AGBL1: variants seen among roughly 807,000 people sequenced by gnomAD.
AGBL1 encodes AGBL carboxypeptidase 1, also known as cytosolic carboxypeptidase 4.
Under a neutral mutation model 118.9 loss-of-function variants are expected in AGBL1, and 130 were observed. The observed-to-expected ratio is 1.09, with a 90% CI of 0.95 to 1.26. The LOEUF is 1.26. AGBL1 is among the 50% of genes most tolerant of loss of function. AGBL1 has a pLI of 0.00. For synonymous variants in AGBL1, 555 were observed against 478.9 expected (o/e 1.16, Z -2.08); for missense variants, 1,584 against 1,298.1 (o/e 1.22, Z -3.38).
intron 5 of AGBL1, among the ~76,000 whole-genome samples, chr15:86,220,266 C>T (rs893219456): frequency 6.6e-6 from 1 of 152,008 alleles, no homozygotes; most frequent in East Asian, 1.9e-4. Flanking sequence ...CTGCCTCTTG[C>T]TAGCTGCTGA....
At position 86,562,197 on chromosome 15, in the gene AGBL1, T is replaced by A. The variant is rs1310626113; in HGVS notation, c.2994+7660T>A. ...TCAGAACTTCCAACACTATGTTGAATAGGAGGCATCCCTGTCTTGTGCCAG... is the reference window on the plus strand; with the variant it reads ...TCAGAACTTCCAACACTATGTTGAAAAGGAGGCATCCCTGTCTTGTGCCAG... On this transcript the variant is annotated intron_variant, in intron 21 of 22. Transcript: ENST00000614907. Among the ~76,000 whole-genome samples the A allele has an allele frequency of 3.3e-5, 5 of 150,812 alleles. No homozygotes were observed. In the East Asian group the frequency reaches 9.8e-4, roughly 29 times the overall value.
At chr15:86,463,943 G>T (rs2082364682) in intron 18 of AGBL1, among the ~76,000 whole-genome samples, 1 of 152,094 alleles carries the variant, frequency 6.6e-6, no homozygotes, top group African/African-American at 2.4e-5. Context: ...GGTTCCATAT[G>T]AAATTTAAAG....
At chr15:87,012,767 T>C (rs1596739970) in intron 24 of AGBL1, among the ~76,000 whole-genome samples, 1 of 152,052 alleles carries the variant, frequency 6.6e-6, no homozygotes, top group East Asian at 1.9e-4. Flanking sequence ...AGAAGCTAAA[T>C]AAAAAGTGAA....
rs1191317702 is a variant in AGBL1 at position 86,433,263 on chromosome 15, CTTCT to C, written c.2555+35720_2555+35723del. ...CCTTCTCCTCCTCCTCCTCCTCCTT[CTTCT>C]TTTTTTTTTTTTTTTTTTTTTTTTT... On this transcript the variant is annotated intron_variant, in intron 18 of 22. Coordinates refer to ENST00000614907, the MANE Select transcript of AGBL1 (RefSeq NM_001386094.1). Among the ~76,000 whole-genome samples, 8 of 54,948 alleles carry C rather than the reference CTTCT, an allele frequency of 1.5e-4. 1 individual carries two copies. Among genetic ancestry groups the C allele is most frequent in the African/African-American group, 6.5e-4 (8 of 12,332 alleles). The allele number at this position is 54,948 out of a possible 152,430, so 36.0% of individuals were successfully genotyped here.
Position 86,775,000 on chromosome 15 carries a change from T to A in AGBL1, c.3158+100564T>A, listed in dbSNP as rs187019058. Among the ~76,000 whole-genome samples, 3 of 152,316 alleles carry A rather than the reference T, an allele frequency of 2.0e-5. No individual in the cohort carries two copies. In the East Asian group the frequency reaches 5.8e-4, roughly 29 times the overall value. On this transcript the variant is annotated intron_variant, in intron 22 of 22. Transcript: ENST00000614907. ...TTGTACTTTGGGAAATGTTCATTTGTTTATTCATATCCCAAAAAATACACA... is the reference window on the plus strand; with the variant it reads ...TTGTACTTTGGGAAATGTTCATTTGATTATTCATATCCCAAAAAATACACA...
chr15:86,803,074 G>A (rs2078671831), intron 22 of AGBL1, among the ~76,000 whole-genome samples: 1 of 152,060 alleles, frequency 6.6e-6, no homozygotes, highest in Admixed American at 6.6e-5. Context: ...CCAAATGAGG[G>A]GCCATAGTAT....
intron 23 of AGBL1, among the ~76,000 whole-genome samples, chr15:86,946,945 G>A (rs1174619459): frequency 6.6e-6 from 1 of 151,778 alleles, no homozygotes; most frequent in East Asian, 1.9e-4. Flanking sequence ...CATGTCCCCT[G>A]CCCATTACTC....
chr15:86,500,489 G>T (rs914347277), intron 18 of AGBL1, among the ~76,000 whole-genome samples: 5 of 149,864 alleles, frequency 3.3e-5, no homozygotes, highest in Middle Eastern at 3.4e-3. Context: ...CATAATGTTT[G>T]CAATTACATT....
chr15:86,999,011 C>G (rs1047239608), intron 24 of AGBL1, among the ~76,000 whole-genome samples: 5 of 150,942 alleles, frequency 3.3e-5, no homozygotes, highest in African/African-American at 1.2e-4. Flanking sequence ...ATCCCTTCCC[C>G]CACCCCATAG....
intron 23 of AGBL1, among the ~76,000 whole-genome samples, chr15:86,925,143 A>AGAGGAAGAGGAGGAGGAG (rs1555463567): frequency 1.2e-5 from 1 of 80,528 alleles, no homozygotes; most frequent in African/African-American, 3.5e-5. Flanking sequence ...AGGAAGAGGA[A>AGAGGAAGAGGAGGAGGAG]GAGGAGGAGG....
intron 17 of AGBL1, among the ~76,000 whole-genome samples, chr15:86,388,193 T>A (rs927541785): frequency 2.0e-5 from 3 of 152,170 alleles, no homozygotes; most frequent in Non-Finnish European, 2.9e-5. Context: ...AGCTCACACT[T>A]CGTTGTTCTG....
chr15:86,943,655 TGTG>T (rs1358861613), intron 23 of AGBL1, among the ~76,000 whole-genome samples: 1 of 152,180 alleles, frequency 6.6e-6, no homozygotes, highest in African/African-American at 2.4e-5. Context: ...TTACTGCACA[TGTG>T]GTGATGAAGA....
At chr15:86,550,687 C>T (rs943289566) in intron 20 of AGBL1, among the ~76,000 whole-genome samples, 2 of 152,000 alleles carry the variant, frequency 1.3e-5, no homozygotes, top group African/African-American at 2.4e-5. Flanking sequence ...AGTCTTCTCT[C>T]AGTATGTGAT....
At chr15:86,442,678 C>T (rs1279042360) in intron 18 of AGBL1, among the ~76,000 whole-genome samples, 1 of 152,088 alleles carries the variant, frequency 6.6e-6, no homozygotes, top group Non-Finnish European at 1.5e-5. Flanking sequence ...AGAATCAGTG[C>T]TGGAGAGAGA....
chr15:86,176,140 G>A (rs912755660), intron 5 of AGBL1, among the ~76,000 whole-genome samples: 2 of 152,194 alleles, frequency 1.3e-5, no homozygotes, highest in Non-Finnish European at 1.5e-5. Flanking sequence ...TCATTGGTGG[G>A]TAGAGCAGGT....
chr15:86,394,634 GCCAAGAACCCTGGCT>G (rs992555560), intron 17 of AGBL1, among the ~76,000 whole-genome samples: 2 of 152,114 alleles, frequency 1.3e-5, no homozygotes, highest in Non-Finnish European at 2.9e-5. Flanking sequence ...TAAGGAATTT[GCCAAGAACCCTGGCT>G]CCCTCTACTT....
At chr15:86,681,582 T>C (rs1279920823) in intron 22 of AGBL1, among the ~76,000 whole-genome samples, 2 of 152,224 alleles carry the variant, frequency 1.3e-5, no homozygotes, top group Admixed American at 1.3e-4. Context: ...GTTTCTGCTC[T>C]TCCAACTTCT....
At chr15:86,313,727 CTT>C (rs1330304195) in intron 17 of AGBL1, among the ~76,000 whole-genome samples, 1 of 152,294 alleles carries the variant, frequency 6.6e-6, no homozygotes, top group East Asian at 1.9e-4. Flanking sequence ...AATTGTCCTG[CTT>C]TGTTCATAGC....
chr15:86,750,436 C>A (rs1160917520), intron 22 of AGBL1, among the ~76,000 whole-genome samples: 2 of 151,942 alleles, frequency 1.3e-5, no homozygotes, highest in South Asian at 2.1e-4. Flanking sequence ...ACCGAACTCC[C>A]TTTTTCTTTT....
Sources: gnomAD v4.1 joint callset for allele counts (sites outside exome capture counted in the v4.1 genomes callset) on GRCh38, gnomAD v4.1.1 for gene constraint, MANE v1.5 for transcripts, NCBI Gene and HGNC (gene_info 2026-07-23, HGNC 2026-07-21) for gene names.